The following PDE4D variants were observed in gnomAD, a reference collection of about 807,000 sequenced individuals.
PDE4D encodes phosphodiesterase 4D.
PDE4D carries 24 observed loss-of-function variants against 87.4 expected under a neutral mutation model. That is an observed-to-expected ratio of 0.27 (90% CI 0.20 to 0.39). The LOEUF (loss-of-function observed/expected upper bound fraction) is 0.39. Ranked by LOEUF, PDE4D falls within the 10% of genes least tolerant of loss-of-function variation. The pLI, the probability that PDE4D is intolerant of heterozygous loss-of-function variation, is 1.00. For missense variants in PDE4D, 714 were observed against 1,041.0 expected (o/e 0.69, Z 4.32); for synonymous variants, 384 against 383.2 (o/e 1.00, Z -0.02).
chr5:59,857,888 G>A (rs1745679859), intron 1 of PDE4D, among the ~76,000 whole-genome samples: 1 of 133,718 alleles, frequency 7.5e-6, no homozygotes, highest in South Asian at 2.6e-4. Flanking sequence ...TGGGAAGGAA[G>A]GAAGGAAGGA....
chr5:59,050,259 C>T (rs1193296624), intron 5 of PDE4D, among the ~76,000 whole-genome samples: 1 of 152,120 alleles, frequency 6.6e-6, no homozygotes, highest in Non-Finnish European at 1.5e-5. Flanking sequence ...AAGAGCGAAA[C>T]TCTGTCCCAA....
rs557924375 is a variant in PDE4D at position 59,343,350 on chromosome 5, C to A, written c.456-127382G>T. On this transcript the variant is annotated intron_variant, in intron 1 of 14. Coordinates refer to ENST00000340635, the MANE Select transcript of PDE4D (RefSeq NM_001104631.2). ...CCTGTTCCCATCACCCCCTGGTAAC[C>A]CCCTTCTATTATCTGCCTCTGTGAG... Among the ~76,000 whole-genome samples the A allele has an allele frequency of 6.6e-5, 10 of 152,158 alleles. No homozygotes were observed. In the East Asian group the frequency reaches 1.9e-3, roughly 29 times the overall value.
chr5:59,268,931 C>T (rs770852834), intron 1 of PDE4D, among the ~76,000 whole-genome samples: 1 of 152,152 alleles, frequency 6.6e-6, no homozygotes, highest in Non-Finnish European at 1.5e-5. Flanking sequence ...ACTAACCATT[C>T]GTATACTCAT....
intron 1 of PDE4D, among the ~76,000 whole-genome samples, chr5:59,624,552 G>A (rs1009618145): frequency 3.3e-5 from 5 of 152,286 alleles, no homozygotes; most frequent in East Asian, 1.9e-4. Context: ...GGTAGTACTC[G>A]GCTTTAATCT....
At chr5:59,724,851 G>T (rs1413060421) in intron 1 of PDE4D, among the ~76,000 whole-genome samples, 1 of 152,056 alleles carries the variant, frequency 6.6e-6, no homozygotes, top group Non-Finnish European at 1.5e-5. Flanking sequence ...TTTTGCTGAA[G>T]CCCAATACAA....
chr5:59,494,289 T>G (rs1806744147), intron 1 of PDE4D, among the ~76,000 whole-genome samples: 1 of 152,196 alleles, frequency 6.6e-6, no homozygotes, highest in East Asian at 1.9e-4. Flanking sequence ...GTATAGCCAT[T>G]AAACTTCCTA....
chr5:60,460,601 A>C, intron 1 of PDE4D: 1 of 1,266,190 alleles, frequency 7.9e-7, no homozygotes, highest in Non-Finnish European at 1.1e-6. Context: ...TCATCAATGC[A>C]TTCAATTGCT....
chr5:59,971,369 A>AATAAATAAATAG (rs1435474297), intron 3 of PDE4D, among the ~76,000 whole-genome samples: 352 of 151,394 alleles, frequency 2.3e-3, no homozygotes, highest in African/African-American at 8.1e-3. Context: ...ATAAAAAATA[A>AATAAATAAATAG]ATAAATAAAT....
chr5:60,058,217 C>G (rs1239102610), intron 2 of PDE4D, among the ~76,000 whole-genome samples: 1 of 151,852 alleles, frequency 6.6e-6, no homozygotes, highest in Non-Finnish European at 1.5e-5. Flanking sequence ...TCACTAAAAC[C>G]CTTCCTGAGT....
chr5:59,052,069 C>G (rs2153404727), intron 5 of PDE4D, among the ~76,000 whole-genome samples: 1 of 152,234 alleles, frequency 6.6e-6, no homozygotes, highest in East Asian at 1.9e-4. Flanking sequence ...CAGCCTGGGC[C>G]CAGGAAGGAA....
chr5:60,501,124 A>G (rs1001708958), intron 1 of PDE4D, among the ~76,000 whole-genome samples: 4 of 152,220 alleles, frequency 2.6e-5, no homozygotes, highest in Admixed American at 2.6e-4. Flanking sequence ...AGCATTAGGT[A>G]TATCTCCTAA....
chr5:59,112,290 G>A (rs1265638252), intron 5 of PDE4D, among the ~76,000 whole-genome samples: 4 of 152,172 alleles, frequency 2.6e-5, no homozygotes, highest in Non-Finnish European at 5.9e-5. Context: ...TTAAAAAGAA[G>A]ACCAGAGATG....
At chr5:60,419,909 C>T (rs1212654028) in intron 1 of PDE4D, among the ~76,000 whole-genome samples, 1 of 152,176 alleles carries the variant, frequency 6.6e-6, no homozygotes, top group Non-Finnish European at 1.5e-5. Flanking sequence ...GAGTCTGAGG[C>T]AGCTGGCATG....
intron 1 of PDE4D, among the ~76,000 whole-genome samples, chr5:60,483,503 T>C (rs1228935723): frequency 6.6e-6 from 1 of 152,218 alleles, no homozygotes; most frequent in Non-Finnish European, 1.5e-5. Flanking sequence ...TCTAGTAGGT[T>C]ATAAGCTCCT....
intron 1 of PDE4D, among the ~76,000 whole-genome samples, chr5:59,735,526 G>A (rs1757946822): frequency 6.6e-6 from 1 of 152,138 alleles, no homozygotes; most frequent in Non-Finnish European, 1.5e-5. Context: ...TACAAAATAA[G>A]AAAGTGAGAA....
At chr5:60,299,252 A>T (rs1207469108) in intron 1 of PDE4D, among the ~76,000 whole-genome samples, 1 of 152,232 alleles carries the variant, frequency 6.6e-6, no homozygotes, top group African/African-American at 2.4e-5. Context: ...ATGGATAATC[A>T]ATTCCATAAT....
At chr5:59,469,099 G>A (rs1159143169) in intron 1 of PDE4D, among the ~76,000 whole-genome samples, 1 of 152,144 alleles carries the variant, frequency 6.6e-6, no homozygotes, top group East Asian at 1.9e-4. Flanking sequence ...AGGCAGAGGT[G>A]GGTGGATCAC....
At position 60,187,219 on chromosome 5, in the gene PDE4D, G is replaced by A. The variant is rs954807803; in HGVS notation, c.-89-1532C>T. 3.3e-5 allele frequency among the ~76,000 whole-genome samples: 5 copies of A among 152,264 alleles called. No homozygotes were observed. In the East Asian group the frequency reaches 9.7e-4, roughly 29 times the overall value. On this transcript the variant is annotated intron_variant, in intron 1 of 16. Coordinates refer to the PDE4D transcript ENST00000502484. ...TGTATGGATTTTTTCTAAAGGAGTA[G>A]GATTTGAAGGGAGGAGCTGATCCAC...
intron 1 of PDE4D, among the ~76,000 whole-genome samples, chr5:59,449,184 G>A (rs1798781643): frequency 6.6e-6 from 1 of 152,170 alleles, no homozygotes; most frequent in Non-Finnish European, 1.5e-5. Flanking sequence ...GCATCTTCCT[G>A]AGTTACCTGA....
Sources: allele counts gnomAD v4.1 joint callset (sites outside exome capture counted in the v4.1 genomes callset), GRCh38; gene constraint gnomAD v4.1.1; transcripts MANE v1.5; gene names NCBI Gene and HGNC (gene_info 2026-07-23, HGNC 2026-07-21).